IPO4: variants seen among roughly 807,000 people sequenced by gnomAD.
The protein encoded by IPO4 is importin-4.
A neutral mutation model predicts 133.5 loss-of-function variants in IPO4; 91 were observed. The observed-to-expected ratio is 0.68, with a 90% confidence interval of 0.58 to 0.81. The LOEUF (loss-of-function observed/expected upper bound fraction) is 0.81. IPO4 is among the 30% of genes least tolerant of loss of function. IPO4 has a pLI of 0.00. For synonymous variants in IPO4, 607 were observed against 581.6 expected (o/e 1.04, Z -0.63); for missense variants, 1,279 against 1,386.2 (o/e 0.92, Z 1.23).
At position 24,188,801 on chromosome 14, in the gene IPO4, C is replaced by T. The variant is rs754623404; in HGVS notation, c.-14G>A. On this transcript the variant is annotated 5_prime_UTR_variant, in exon 1 of 30. Transcript: ENST00000354464. ...GGCTGACTCCATGGCAGCAACTGAG[C>T]CGCCGCTACTGGGCCGAAAAGGGGA... 4 of 1,491,960 alleles carry T rather than the reference C, an allele frequency of 2.7e-6. No individual in the cohort carries two copies. In the African/African-American group the frequency reaches 5.6e-5, roughly 21 times the overall value. The allele number at this position is 1,491,960 out of a possible 1,614,324, so 92.4% of individuals were successfully genotyped here.
intron 16 of IPO4, 111 bp downstream of exon 16, chr14:24,184,539 C>T (rs2039189974): frequency 7.0e-7 from 1 of 1,431,918 alleles, no homozygotes; most frequent in Non-Finnish European, 9.4e-7. Context: ...AAGCACACCC[C>T]TTTGATGAGA....
chr14:24,186,223 T>C (rs1488871830), intron 10 of IPO4, 41 bp from the exon 11 acceptor site: 7 of 1,610,780 alleles, frequency 4.3e-6, no homozygotes, highest in Non-Finnish European at 5.9e-6. Flanking sequence ...TGACTCCATC[T>C]CTGCCTCCCC....
At chr14:24,185,827 G>T in intron 12 of IPO4, 34 bp downstream of exon 12, 1 of 1,528,908 alleles carries the variant, frequency 6.5e-7, no homozygotes. Context: ...CCTCCCTGTG[G>T]GCAACCCTCA....
At chr14:24,180,803 C>G in intron 28 of IPO4, 45 bp from the exon 29 acceptor site, 1 of 1,578,154 alleles carries the variant, frequency 6.3e-7, no homozygotes, top group Non-Finnish European at 8.7e-7. Flanking sequence ...CCCCAGACCC[C>G]AGGTCTAGGA....
rs776962851 is a variant in IPO4 at position 24,187,197 on chromosome 14, C to T, written c.589-47G>A. On this transcript the variant is annotated intron_variant, in intron 6 of 29. Coordinates refer to ENST00000354464, the MANE Select transcript of IPO4 (RefSeq NM_024658.4). ...GCATGATGCAGCCCAATCTCACACC[C>T]CAGCAGCTGGCAGCTTCCTCACAGC... is the stretch of plus-strand genomic sequence containing the variant. The T allele has an allele frequency of 1.9e-6, 3 of 1,594,148 alleles. No homozygotes were observed. The East Asian group carries it at 6.7e-5, about 36-fold the overall frequency.
At chr14:24,181,293 G>C (rs74037004) in intron 28 of IPO4, among the ~76,000 whole-genome samples, 7 of 152,222 alleles carry the variant, frequency 4.6e-5, no homozygotes, top group Non-Finnish European at 8.8e-5. Flanking sequence ...AAAATGCTAC[G>C]TGGAGAAAGG....
At position 24,182,822 on chromosome 14, in the gene IPO4, G is replaced by C; in HGVS notation, c.2442C>G (p.Asp814Glu). The change falls in exon 24 of 30, where the codon GAC (aspartate) becomes GAG (glutamate). Residue 814 changes from aspartate (D) to glutamate (E), a missense_variant. Physicochemically the swap from Asp to Glu is conservative, Grantham distance 45. Around this residue, in one of 3 missense-constraint regions of IPO4, gnomAD observed 575 missense variants for 653.4 expected, o/e 0.88. Transcript: ENST00000354464. ...CATCATCTTCCTCTTCCTCCTCCTC[G>C]TCAGTATCCTGACAGGCTGTCTACA... The part of the protein sequence containing the change: ...LQRKTACQDT[D>E]EEEEEEDDDQ... 1 of 1,614,024 alleles carries C rather than the reference G, an allele frequency of 6.2e-7. No homozygotes were observed. The highest frequency in any genetic ancestry group is 8.5e-7 in the Non-Finnish European group (1 of 1,179,984).
At position 24,180,472 on chromosome 14, in the gene IPO4, C is replaced by CTGGCTG. The variant is rs2039113913; in HGVS notation, c.3215_3216insCAGCCA (p.Ala1071_Gln1072insHisSer). 6.2e-7 allele frequency: 1 copy of CTGGCTG among 1,613,312 alleles called. No homozygotes were observed. The highest frequency in any genetic ancestry group is 1.3e-5 in the African/African-American group (1 of 74,918). On this transcript the variant is annotated inframe_insertion, in exon 30 of 30. Coordinates refer to ENST00000354464, the MANE Select transcript of IPO4 (RefSeq NM_024658.4). ...AGAGGCCCAGTACAGCCTGGAGCTCCTGAGCCTTGTCAACAGGCAGTGAGC... is the reference window on the plus strand; with the variant it reads ...AGAGGCCCAGTACAGCCTGGAGCTCCTGGCTGTGAGCCTTGTCAACAGGCAGTGAGC...
intron 28 of IPO4, 29 bp downstream of exon 28, chr14:24,181,484 C>T (rs2039135312): frequency 6.5e-7 from 1 of 1,539,710 alleles, no homozygotes; most frequent in East Asian, 2.4e-5. Context: ...GGCACGTTCC[C>T]CTCTGAGGGC....
intron 27 of IPO4, 42 bp downstream of exon 27, chr14:24,181,669 C>T: frequency 1.2e-6 from 2 of 1,612,612 alleles, no homozygotes; most frequent in Non-Finnish European, 1.7e-6. Flanking sequence ...ACCACCCTCC[C>T]TCCTCAGCTT....
chr14:24,188,004 G>A, intron 4 of IPO4: 1 of 765,184 alleles, frequency 1.3e-6, no homozygotes. Context: ...AACTTAGCCT[G>A]AATTTCAGTC....
At chr14:24,185,734 A>AC (rs2039210576) in intron 12 of IPO4, 127 bp downstream of exon 12, 1 of 940,188 alleles carries the variant, frequency 1.1e-6, no homozygotes, top group African/African-American at 1.6e-5. Flanking sequence ...TTTATCTTCC[A>AC]AGCCAGGACA....
chr14:24,185,755 TG>T, intron 12 of IPO4, 105 bp downstream of exon 12: 4 of 1,011,830 alleles, frequency 4.0e-6, no homozygotes, highest in Non-Finnish European at 1.5e-6. Context: ...CTTTTGATAA[TG>T]GGGGGAAACG....
In IPO4 at chr14:24,188,642, G is replaced by C. The variant is rs768999486; in HGVS notation, c.70-4C>G. The C allele has an allele frequency of 8.7e-6, 14 of 1,610,138 alleles. No individual in the cohort carries two copies. The highest frequency in any genetic ancestry group is 1.2e-5 in the Non-Finnish European group (14 of 1,178,234). Reference sequence around the variant, plus strand: ...CGATCTGGAGCTGTTCCGTGGCCTGGGGGGAAGCTAGGGGTGAGAGTTGGG... The same window carrying C: ...CGATCTGGAGCTGTTCCGTGGCCTGCGGGGAAGCTAGGGGTGAGAGTTGGG... On this transcript the variant is annotated splice_region_variant and splice_polypyrimidine_tract_variant and intron_variant, in intron 1 of 29. Coordinates refer to ENST00000354464, the MANE Select transcript of IPO4 (RefSeq NM_024658.4).
At position 24,182,178 on chromosome 14, in the gene IPO4, C is replaced by T; in HGVS notation, c.2599-15G>A. 2 of 1,614,066 alleles carry T rather than the reference C, an allele frequency of 1.2e-6. No individual in the cohort carries two copies. The highest frequency in any genetic ancestry group is 2.2e-5 in the South Asian group (2 of 91,080). ...CAGCCCTGTTTCTGATGGGGGAGAA[C>T]AGGAAGGAGTACAGATCAGCCTGGG... On this transcript the variant is annotated splice_polypyrimidine_tract_variant and intron_variant, in intron 25 of 29. Coordinates refer to ENST00000354464, the MANE Select transcript of IPO4 (RefSeq NM_024658.4).
At chr14:24,184,189 C>T (rs1223567783) in intron 17 of IPO4, 80 bp from the exon 18 acceptor site, 2 of 1,568,604 alleles carry the variant, frequency 1.3e-6, no homozygotes, top group Non-Finnish European at 1.7e-6. Context: ...GAACACCTGG[C>T]TATGGTCCAA....
At chr14:24,186,026 T>A in intron 11 of IPO4, 56 bp from the exon 12 acceptor site, 1 of 1,588,488 alleles carries the variant, frequency 6.3e-7, no homozygotes. Context: ...CCCATTCCTG[T>A]GGTAATAGGC....
chr14:24,180,786 GC>G, intron 28 of IPO4, 28 bp from the exon 29 acceptor site: 1 of 1,607,988 alleles, frequency 6.2e-7, no homozygotes, highest in Non-Finnish European at 8.5e-7. Context: ...CTGACTCAGG[GC>G]AGCAGCCCCA....
chr14:24,187,855 G>A (rs1165504403), intron 4 of IPO4, 59 bp from the exon 5 acceptor site: 1 of 1,601,434 alleles, frequency 6.2e-7, no homozygotes, highest in Non-Finnish European at 8.5e-7. Flanking sequence ...GCACACAGTG[G>A]CCAGGCTCAA....
Sources: allele counts gnomAD v4.1 joint callset (sites outside exome capture counted in the v4.1 genomes callset), GRCh38; gene constraint gnomAD v4.1.1; regional missense constraint gnomAD v4.1.1; transcripts MANE v1.5; gene names NCBI Gene and HGNC (gene_info 2026-07-23, HGNC 2026-07-21).